Variants in CSMD1 observed in about 807,000 individuals in gnomAD.
CSMD1 encodes the protein CUB and sushi domain-containing protein 1.
In CSMD1, 213 loss-of-function variants were observed where a neutral mutation model predicts 417.5. The observed-to-expected ratio is 0.51, with a 90% CI of 0.46 to 0.57. The LOEUF is 0.57. Ranked by LOEUF, CSMD1 falls within the 20% of genes least tolerant of loss-of-function variation. The pLI is 0.00. For synonymous variants in CSMD1, 2,862 were observed against 1,736.8 expected, an observed-to-expected ratio of 1.65 and a Z score of -16.11; for missense variants, 6,923 against 4,529.7, an observed-to-expected ratio of 1.53 and a Z score of -15.17.
At chr8:4,933,509 G>A (rs1317341235) in intron 1 of CSMD1, among the ~76,000 whole-genome samples, 1 of 152,172 alleles carries the variant, frequency 6.6e-6, no homozygotes, top group East Asian at 1.9e-4. Context: ...GCCAGCAGTT[G>A]CTCTGTGACT....
At chr8:4,404,958 T>C (rs1006733402) in intron 3 of CSMD1, among the ~76,000 whole-genome samples, 7 of 152,190 alleles carry the variant, frequency 4.6e-5, no homozygotes, top group African/African-American at 1.7e-4. Context: ...TTTGGAAATA[T>C]GGAAACCGAG....
intron 6 of CSMD1, among the ~76,000 whole-genome samples, chr8:3,719,747 G>T (rs958127281): frequency 6.6e-6 from 1 of 152,130 alleles, no homozygotes. Context: ...TATACTGGCT[G>T]CTTTCCATTC....
intron 5 of CSMD1, among the ~76,000 whole-genome samples, chr8:3,836,876 TA>T (rs937331680): frequency 6.6e-6 from 1 of 152,178 alleles, no homozygotes; most frequent in African/African-American, 2.4e-5. Context: ...ATAACTTGAC[TA>T]AAGCAGTTCT....
In CSMD1 at chr8:2,947,091, T is replaced by G. The variant is rs374637619; in HGVS notation, c.10402+2208A>C. The stretch of plus-strand genomic sequence containing the variant: ...TATTTGCCTCTGTATTATTGAGCCA[T>G]AAGAGTTCTTCGTACATTCTGGATA... On this transcript the variant is annotated intron_variant, in intron 68 of 69. Coordinates refer to ENST00000635120, the MANE Select transcript of CSMD1 (RefSeq NM_033225.6). 9.2e-5 allele frequency among the ~76,000 whole-genome samples: 14 copies of G among 152,328 alleles called. No individual in the cohort carries two copies. In the East Asian group the frequency reaches 1.3e-3, roughly 15 times the overall value.
At chr8:4,671,681 GATTT>G (rs1371429244) in intron 1 of CSMD1, among the ~76,000 whole-genome samples, 2 of 152,090 alleles carry the variant, frequency 1.3e-5, no homozygotes, top group Non-Finnish European at 2.9e-5. Flanking sequence ...TCAGTTTATA[GATTT>G]ATTTTTTCTT....
Position 2,936,069 on chromosome 8 carries a change from G to GCA in CSMD1, c.*2514_*2515dup. 1 of 152,124 alleles carries GCA rather than the reference G, an allele frequency of 6.6e-6. No individual in the cohort carries two copies. Among genetic ancestry groups the GCA allele is most frequent in the South Asian group, 2.1e-4 (1 of 4,814 alleles). 9.4% of individuals were successfully genotyped at this position (152,124 alleles called of 1,614,324 possible). A position where few individuals can be genotyped will look rare whatever the true frequency, so the allele number is the denominator to read the frequency against. On this transcript the variant is annotated 3_prime_UTR_variant, in exon 70 of 70. Coordinates refer to ENST00000635120, the MANE Select transcript of CSMD1 (RefSeq NM_033225.6). ...CCTTGCGGAGACGCCGTTCAACACTGCACACAACCTTAGGAAGAAACTAGG... is the reference window on the plus strand; with the variant it reads ...CCTTGCGGAGACGCCGTTCAACACTGCACACACAACCTTAGGAAGAAACTAGG...
intron 10 of CSMD1, among the ~76,000 whole-genome samples, chr8:3,500,230 G>A (rs1796541802): frequency 6.6e-6 from 1 of 152,168 alleles, no homozygotes; most frequent in East Asian, 1.9e-4. Context: ...CACTGCACTT[G>A]ACATGTGCTT....
intron 3 of CSMD1, among the ~76,000 whole-genome samples, chr8:4,127,015 A>T (rs760972555): frequency 2.0e-5 from 3 of 152,110 alleles, no homozygotes; most frequent in Non-Finnish European, 4.4e-5. Flanking sequence ...TGGCCTACAA[A>T]ATATATATAC....
intron 1 of CSMD1, among the ~76,000 whole-genome samples, chr8:4,942,748 G>T (rs917912218): frequency 2.0e-5 from 3 of 152,152 alleles, no homozygotes; most frequent in Non-Finnish European, 4.4e-5. Context: ...CATCAACACA[G>T]ACAGGGAGAA....
chr8:3,579,922 G>A lies in CSMD1; in HGVS notation c.1223-4856C>T, dbSNP rs545394152. Among the ~76,000 whole-genome samples, 4 of 152,194 alleles carry A rather than the reference G, an allele frequency of 2.6e-5. No individual in the cohort carries two copies. The East Asian group carries it at 5.8e-4, about 22-fold the overall frequency. ...AGTTTGAGACCAGCATGGCCAACATGGTGAAACCCTGTCTCTACGAAACAT... is the reference window on the plus strand; with the variant it reads ...AGTTTGAGACCAGCATGGCCAACATAGTGAAACCCTGTCTCTACGAAACAT... On this transcript the variant is annotated intron_variant, in intron 9 of 69. Coordinates refer to ENST00000635120, the MANE Select transcript of CSMD1 (RefSeq NM_033225.6).
At chr8:3,664,118 G>C (rs1049796381) in intron 7 of CSMD1, among the ~76,000 whole-genome samples, 48 of 152,108 alleles carry the variant, frequency 3.2e-4, no homozygotes, top group African/African-American at 1.1e-3. Flanking sequence ...TGCCATGTTG[G>C]TTTGCTGCAC....
intron 5 of CSMD1, among the ~76,000 whole-genome samples, chr8:3,879,072 G>T (rs1478415713): frequency 6.6e-6 from 1 of 152,128 alleles, no homozygotes; most frequent in African/African-American, 2.4e-5. Context: ...TAGCATCTGA[G>T]TTATTCTGGG....
chr8:4,783,078 T>A (rs536100240), intron 1 of CSMD1, among the ~76,000 whole-genome samples: 2 of 152,284 alleles, frequency 1.3e-5, no homozygotes. Context: ...CAATAAATGA[T>A]TGTAAAATCA....
chr8:3,516,607 A>T (rs1335451990), intron 10 of CSMD1, among the ~76,000 whole-genome samples: 1 of 152,072 alleles, frequency 6.6e-6, no homozygotes, highest in East Asian at 1.9e-4. Context: ...GTTTAAGAGG[A>T]TGTTTATTTT....
At chr8:3,586,016 C>T (rs1157870993) in intron 9 of CSMD1, 120 bp downstream of exon 9, 2 of 1,014,914 alleles carry the variant, frequency 2.0e-6, no homozygotes, top group Non-Finnish European at 2.7e-6. Context: ...TGAAAACATA[C>T]ATTACTACCG....
intron 23 of CSMD1, among the ~76,000 whole-genome samples, chr8:3,330,418 A>G (rs1171345018): frequency 6.6e-6 from 1 of 152,228 alleles, no homozygotes; most frequent in African/African-American, 2.4e-5. Flanking sequence ...CACAGCCATA[A>G]AAAGGAATGA....
At chr8:4,691,098 TC>T (rs1806737956) in intron 1 of CSMD1, among the ~76,000 whole-genome samples, 3 of 152,278 alleles carry the variant, frequency 2.0e-5, no homozygotes, top group South Asian at 4.2e-4. Context: ...AAATGGATTT[TC>T]CCCATCTTTA....
chr8:4,089,446 T>C (rs951401438), intron 3 of CSMD1, among the ~76,000 whole-genome samples: 4 of 152,164 alleles, frequency 2.6e-5, no homozygotes, highest in African/African-American at 9.7e-5. Flanking sequence ...TTTCACTCAT[T>C]TTTGTGTCCT....
Position 3,821,240 on chromosome 8 carries a change from A to G in CSMD1, c.819-67198T>C, listed in dbSNP as rs148188921. Among the ~76,000 whole-genome samples the G allele has an allele frequency of 3.5e-3, 537 of 152,310 alleles. 3 individuals are homozygous for G. The highest frequency in any genetic ancestry group is 0.012 in the African/African-American group (514 of 41,572). On this transcript the variant is annotated intron_variant, in intron 5 of 69. Transcript: ENST00000635120. Reference sequence around the variant, plus strand: ...GCTCTAGGTTAACTTTTTTAAAAGTAGAATGAGTACACACTAAAATAACAA... The same window carrying G: ...GCTCTAGGTTAACTTTTTTAAAAGTGGAATGAGTACACACTAAAATAACAA...
Sources: allele counts gnomAD v4.1 joint callset (sites outside exome capture counted in the v4.1 genomes callset), GRCh38; gene constraint gnomAD v4.1.1; transcripts MANE v1.5; gene names NCBI Gene and HGNC (gene_info 2026-07-23, HGNC 2026-07-21).